NXF1: variants seen among roughly 807,000 people sequenced by gnomAD.
NXF1 encodes the protein nuclear RNA export factor 1.
In NXF1, 43 loss-of-function variants were observed where a neutral mutation model predicts 92.4. The ratio of observed to expected loss-of-function variants is 0.47; its 90% CI spans 0.36 to 0.60. NXF1 has a LOEUF of 0.60. Among genes scored for constraint, NXF1 ranks in the 20% least tolerant of loss-of-function variants. NXF1 has a pLI of 0.00. For missense variants in NXF1, 576 were observed against 793.0 expected (o/e 0.73, Z 3.29); for synonymous variants, 288 against 292.2 (o/e 0.99, Z 0.15).
At chr11:62,803,005 G>C (rs2084495791) in intron 3 of NXF1, among the ~76,000 whole-genome samples, 1 of 152,292 alleles carries the variant, frequency 6.6e-6, no homozygotes, top group Admixed American at 6.5e-5. Flanking sequence ...AGATACTTGA[G>C]TGTGGAGTAA....
At position 62,801,226 on chromosome 11, in the gene NXF1, G is replaced by A. The variant is rs560357007; in HGVS notation, c.799-25C>T. 1.3e-5 allele frequency: 21 copies of A among 1,610,010 alleles called. No homozygotes were observed. In the African/African-American group the frequency reaches 2.3e-4, roughly 17 times the overall value. ...GCTGTGAGGAGAGAAGAGTTTAGAG[G>A]AGGCACCACCAGCAAGTGGATCAGA... On this transcript the variant is annotated intron_variant, in intron 8 of 20. Transcript: ENST00000294172.
At chr11:62,802,391 T>C (rs1350401601) in intron 3 of NXF1, 131 bp from the exon 4 acceptor site, 2 of 667,982 alleles carry the variant, frequency 3.0e-6, no homozygotes, top group South Asian at 1.9e-5. Flanking sequence ...CTAGGTTTTC[T>C]ACTTGAGATA....
In NXF1 at chr11:62,792,217, A is replaced by G. The variant is rs2084371696; in HGVS notation, c.*259T>C. ...AAAAAGTAAGGAGGTCCTGGGGTTAAGTACACAAAGCACCTAAGTCCTTCG... is the reference window on the plus strand; with the variant it reads ...AAAAAGTAAGGAGGTCCTGGGGTTAGGTACACAAAGCACCTAAGTCCTTCG... On this transcript the variant is annotated 3_prime_UTR_variant, in exon 21 of 21. Coordinates refer to ENST00000294172, the MANE Select transcript of NXF1 (RefSeq NM_006362.5). 4.6e-6 allele frequency: 3 copies of G among 653,878 alleles called. No homozygotes were observed. Among genetic ancestry groups the G allele is most frequent in the Non-Finnish European group, 5.3e-6 (2 of 377,896 alleles). 40.5% of individuals were successfully genotyped at this position (653,878 alleles called of 1,614,324 possible). A position where few individuals can be genotyped will look rare whatever the true frequency, so the allele number is the denominator to read the frequency against.
chr11:62,795,017 G>A lies in NXF1; in HGVS notation c.1505-10C>T. 1 of 1,613,656 alleles carries A rather than the reference G, an allele frequency of 6.2e-7. No individual in the cohort carries two copies. The highest frequency in any genetic ancestry group is 8.5e-7 in the Non-Finnish European group (1 of 1,179,542). ...CGGGACTTTCCGTCCACTGCAATAAGAACAGCAACAACACCTTAGGGTCAC... is the reference window on the plus strand; with the variant it reads ...CGGGACTTTCCGTCCACTGCAATAAAAACAGCAACAACACCTTAGGGTCAC... On this transcript the variant is annotated splice_polypyrimidine_tract_variant and intron_variant, in intron 17 of 20. Transcript: ENST00000294172.
chr11:62,795,129 A>G (rs1185375061), intron 17 of NXF1, 122 bp from the exon 18 acceptor site: 9 of 866,646 alleles, frequency 1.0e-5, no homozygotes. Context: ...GATTAAGTAT[A>G]TAAGGGTATA....
At position 62,803,437 on chromosome 11, in the gene NXF1, C is replaced by A; in HGVS notation, c.351G>T (p.Lys117Asn). 1 of 1,613,986 alleles carries A rather than the reference C, an allele frequency of 6.2e-7. No homozygotes were observed. The highest frequency in any genetic ancestry group is 8.5e-7 in the Non-Finnish European group (1 of 1,180,012). ...TACTCACTGTAATCTTGAACCAGTT[C>A]TTTGAGGTCCCATCCTGGCTGGTGC... ...GAGTSQDGTS[K>N]NWFKITIPYG... The change falls in exon 3 of 21, where the codon AAG becomes AAT. Residue 117 changes from lysine to asparagine, a missense_variant. Lys to Asn is a moderately conservative substitution (Grantham distance 94). Transcript: ENST00000294172.
chr11:62,800,415 G>A lies in NXF1; in HGVS notation c.978C>T (p.Ser326=). The A allele has an allele frequency of 6.2e-7, 1 of 1,614,020 alleles. No homozygotes were observed. Among genetic ancestry groups the A allele is most frequent in the Non-Finnish European group, 8.5e-7 (1 of 1,179,970 alleles). ...KLEELWLDGN[S]LCDTFRDQST... is the part of the protein sequence containing the mutation. ...ACTGGTCTCGGAAGGTGTCACACAG[G>A]GAGTTTCCATCGAGCCAGAGCTCTT... is the stretch of plus-strand genomic sequence containing the variant. The change falls in exon 10 of 21, where the codon TCC becomes TCT. Residue 326 remains serine, a synonymous_variant. Coordinates refer to ENST00000294172, the MANE Select transcript of NXF1 (RefSeq NM_006362.5).
rs150805268 is a variant in NXF1, at chr11:62,804,803, G to C, written c.28+526C>G. 1.5e-3 allele frequency among the ~76,000 whole-genome samples: 229 copies of C among 152,266 alleles called. 3 individuals carry two copies. The highest frequency in any genetic ancestry group is 3.4e-3 in the Middle Eastern group (1 of 294). ...GCTGTTGTTATTCCACATTAAGGGG[G>C]TGGAAAACGAGAGTTTTAAATTCAC... On this transcript the variant is annotated intron_variant, in intron 1 of 20. Transcript: ENST00000294172.
chr11:62,797,509 G>A, intron 11 of NXF1, 123 bp from the exon 12 acceptor site: 1 of 824,846 alleles, frequency 1.2e-6, no homozygotes, highest in Non-Finnish European at 2.0e-6. Flanking sequence ...AGACCAGCCT[G>A]GCTGGACAAC....
intron 11 of NXF1, among the ~76,000 whole-genome samples, chr11:62,797,638 G>A (rs1459330289): frequency 6.6e-6 from 1 of 152,082 alleles, no homozygotes; most frequent in African/African-American, 2.4e-5. Context: ...CCTGGCAGGC[G>A]AAGGTTGCAG....
chr11:62,797,616 G>A (rs2084434550), intron 11 of NXF1, among the ~76,000 whole-genome samples: 1 of 152,150 alleles, frequency 6.6e-6, no homozygotes, highest in Non-Finnish European at 1.5e-5. Context: ...TGAAGTGGGA[G>A]GATCACTTGA....
chr11:62,793,223 C>T (rs1030067475), intron 19 of NXF1, among the ~76,000 whole-genome samples: 9 of 152,080 alleles, frequency 5.9e-5, no homozygotes, highest in African/African-American at 9.7e-5. Context: ...GGACTACAGG[C>T]GTGGAACGCC....
At position 62,801,528 on chromosome 11, in the gene NXF1, C is replaced by T. The variant is rs1314013208; in HGVS notation, c.709+34G>A. 5 of 1,611,968 alleles carry T rather than the reference C, an allele frequency of 3.1e-6. No homozygotes were observed. The South Asian group carries it at 5.5e-5, about 18-fold the overall frequency. On this transcript the variant is annotated intron_variant, in intron 7 of 20. Coordinates refer to ENST00000294172, the MANE Select transcript of NXF1 (RefSeq NM_006362.5). ...CTCCCTGACAGATCCCACCTTATCA[C>T]CACCTATCTGAGAACTACTGCTGTC...
rs535022824 is a variant in NXF1 at position 62,803,371 on chromosome 11, C to T, written c.369+48G>A. 16 of 1,476,074 alleles carry T rather than the reference C, an allele frequency of 1.1e-5. 1 individual carries two copies. Among genetic ancestry groups the T allele is most frequent in the South Asian group, 4.7e-5 (4 of 84,598 alleles). 91.4% of individuals were successfully genotyped at this position (1,476,074 alleles called of 1,614,324 possible). A position where few individuals can be genotyped will look rare whatever the true frequency, so the allele number is the denominator to read the frequency against. ...TAAAATTAAACATCTCCACTCTCAG[C>T]GTGGCCTCCTATCTCTACTGTACCA... On this transcript the variant is annotated intron_variant, in intron 3 of 20. Transcript: ENST00000294172.
Position 62,803,785 on chromosome 11 carries a change from C to A in NXF1, c.215+7G>T, listed in dbSNP as rs780907762. Reference sequence around the variant, plus strand: ...CTAAATTCAAACCAGACCAACTGGTCACTCACTATCGTACTCGGGGACCAT... The same window carrying A: ...CTAAATTCAAACCAGACCAACTGGTAACTCACTATCGTACTCGGGGACCAT... On this transcript the variant is annotated splice_region_variant and intron_variant, in intron 2 of 20. Transcript: ENST00000294172. 1.2e-6 allele frequency: 2 copies of A among 1,611,202 alleles called. No individual in the cohort carries two copies. Among genetic ancestry groups the A allele is most frequent in the Admixed American group, 3.3e-5 (2 of 59,704 alleles).
chr11:62,797,512 T>C, intron 11 of NXF1, 126 bp from the exon 12 acceptor site: 1 of 782,088 alleles, frequency 1.3e-6, no homozygotes, highest in African/African-American at 1.7e-5. Context: ...CCAGCCTGGC[T>C]GGACAACGTG....
intron 18 of NXF1, 92 bp downstream of exon 18, chr11:62,794,842 GA>G: frequency 4.2e-6 from 5 of 1,203,762 alleles, no homozygotes; most frequent in Non-Finnish European, 6.1e-6. Flanking sequence ...TTGCCTTTCT[GA>G]AATCACCCCA....
At chr11:62,793,609 T>A (rs1174092608) in intron 19 of NXF1, among the ~76,000 whole-genome samples, 1 of 151,370 alleles carries the variant, frequency 6.6e-6, no homozygotes, top group Non-Finnish European at 1.5e-5. Context: ...CCCTAGCAGT[T>A]GAGGCTGCAG....
intron 11 of NXF1, 41 bp downstream of exon 11, chr11:62,798,498 G>C (rs1329457639): frequency 6.2e-7 from 1 of 1,609,670 alleles, no homozygotes; most frequent in South Asian, 1.1e-5. Flanking sequence ...TTGTGAGTGA[G>C]AGATGCTGTG....
Sources: allele counts gnomAD v4.1 joint callset (sites outside exome capture counted in the v4.1 genomes callset), GRCh38; gene constraint gnomAD v4.1.1; transcripts MANE v1.5; gene names NCBI Gene and HGNC (gene_info 2026-07-23, HGNC 2026-07-21).